Variants in NCK1 observed in about 807,000 individuals in gnomAD.
NCK1 encodes NCK adaptor protein 1.
Under a neutral mutation model 36.6 loss-of-function variants are expected in NCK1, and 19 were observed. That is an observed-to-expected ratio of 0.52 (90% CI 0.36 to 0.76). The LOEUF (loss-of-function observed/expected upper bound fraction) is 0.76, where lower values mean the gene tolerates loss of function less well. Ranked by LOEUF, NCK1 falls within the 30% of genes least tolerant of loss-of-function variation. NCK1 has a pLI of 0.00. For synonymous variants in NCK1, 165 were observed against 156.0 expected (o/e 1.06, Z -0.43); for missense variants, 358 against 445.6 (o/e 0.80, Z 1.77).
intron 1 of NCK1, among the ~76,000 whole-genome samples, chr3:136,921,031 G>A (rs905864388): frequency 6.6e-5 from 10 of 152,184 alleles, no homozygotes; most frequent in African/African-American, 2.4e-4. Context: ...TGTCTTTAAA[G>A]AGGTAACTGA....
Position 136,873,041 on chromosome 3 carries a change from G to A in NCK1, c.-19+10688G>A, listed in dbSNP as rs181271377. On this transcript the variant is annotated intron_variant, in intron 1 of 3. Transcript: ENST00000481752. ...GAGCCCCCACACAGAGTTCCTACTC[G>A]GGTACCGCCTAGTGGAGCTGTGAGA... Among the ~76,000 whole-genome samples, 26 of 152,288 alleles carry A rather than the reference G, an allele frequency of 1.7e-4. No homozygotes were observed. In the East Asian group the frequency reaches 4.8e-3, roughly 28 times the overall value.
intron 2 of NCK1, among the ~76,000 whole-genome samples, chr3:136,936,690 A>G (rs1376504306): frequency 6.6e-6 from 1 of 152,114 alleles, no homozygotes; most frequent in Non-Finnish European, 1.5e-5. Flanking sequence ...GGTGTGAGGT[A>G]GGGTCATTGT....
chr3:136,933,808 G>T (rs868233504), intron 2 of NCK1, among the ~76,000 whole-genome samples: 2 of 151,942 alleles, frequency 1.3e-5, no homozygotes, highest in African/African-American at 2.4e-5. Context: ...AAGTTCAAAC[G>T]ATTCTCGTCC....
At chr3:136,899,095 G>T in intron 1 of NCK1, 1 of 177,876 alleles carries the variant, frequency 5.6e-6, no homozygotes, top group South Asian at 1.3e-4. Context: ...TGGATGCAAA[G>T]GTTTAACTGG....
At chr3:136,932,011 T>G (rs1271982498) in intron 2 of NCK1, among the ~76,000 whole-genome samples, 1 of 151,814 alleles carries the variant, frequency 6.6e-6, no homozygotes, top group Non-Finnish European at 1.5e-5. Flanking sequence ...TCCCAGCTAC[T>G]TGGGAAGCTG....
rs189098914 is a variant in NCK1 at position 136,885,046 on chromosome 3, A to G, written c.-19+22693A>G. On this transcript the variant is annotated intron_variant, in intron 1 of 3. Transcript: ENST00000481752. ...AAGTTCTTATGTTTTAGAGATATTTACTTAAATATTTATGGATGAAAATAT... is the reference window on the plus strand; with the variant it reads ...AAGTTCTTATGTTTTAGAGATATTTGCTTAAATATTTATGGATGAAAATAT... Among the ~76,000 whole-genome samples the G allele has an allele frequency of 2.0e-3, 304 of 152,236 alleles. 4 individuals are homozygous for G. The highest frequency in any genetic ancestry group is 7.5e-3 in the Admixed American group (115 of 15,284).
At chr3:136,901,279 T>C (rs1262246023) in intron 1 of NCK1, among the ~76,000 whole-genome samples, 2 of 152,062 alleles carry the variant, frequency 1.3e-5, no homozygotes, top group African/African-American at 4.8e-5. Context: ...TTTTTTTTTT[T>C]TAATGTTGTT....
intron 1 of NCK1, among the ~76,000 whole-genome samples, chr3:136,880,548 C>T (rs1200695893): frequency 1.3e-5 from 2 of 152,054 alleles, no homozygotes; most frequent in Non-Finnish European, 1.5e-5. Flanking sequence ...GACTTCTGGC[C>T]TCCAGAACAG....
At chr3:136,873,568 A>G (rs1287556295) in intron 1 of NCK1, among the ~76,000 whole-genome samples, 2 of 152,094 alleles carry the variant, frequency 1.3e-5, no homozygotes, top group Non-Finnish European at 2.9e-5. Flanking sequence ...ATTGGTTTTG[A>G]AATGTGAAGA....
chr3:136,927,133 A>T lies in NCK1; in HGVS notation c.-18-851A>T, dbSNP rs184360420. Among the ~76,000 whole-genome samples, 148 of 152,040 alleles carry T rather than the reference A, an allele frequency of 9.7e-4. 1 individual carries two copies. The highest frequency in any genetic ancestry group is 3.5e-3 in the African/African-American group (145 of 41,490). On this transcript the variant is annotated intron_variant, in intron 1 of 3. Transcript: ENST00000481752. Reference sequence around the variant, plus strand: ...ATTCCAAGTGTGCGCCACCATACCTAGCTAATTTTTGTATTTTTAGTAGAG... The same window carrying T: ...ATTCCAAGTGTGCGCCACCATACCTTGCTAATTTTTGTATTTTTAGTAGAG...
Position 136,949,011 on chromosome 3 carries a change from A to G in NCK1, c.*558A>G, listed in dbSNP as rs1011524228. 1.8e-4 allele frequency: 28 copies of G among 152,478 alleles called. No individual in the cohort carries two copies. The highest frequency in any genetic ancestry group is 5.1e-4 in the African/African-American group (21 of 41,442). 9.4% of individuals were successfully genotyped at this position (152,478 alleles called of 1,614,324 possible). On this transcript the variant is annotated 3_prime_UTR_variant, in exon 4 of 4. Coordinates refer to ENST00000481752, the MANE Select transcript of NCK1 (RefSeq NM_001291999.2). ...ATATTGTGTCTGCCATAATTTTTAA[A>G]AATACATTCATTGTCTTCAGTCATA...
intron 2 of NCK1, among the ~76,000 whole-genome samples, chr3:136,941,919 A>G (rs1576991931): frequency 6.6e-6 from 1 of 151,846 alleles, no homozygotes; most frequent in Non-Finnish European, 1.5e-5. Context: ...GCTCACTACA[A>G]CCTCCACCTC....
chr3:136,927,642 C>T (rs1230069929), intron 1 of NCK1, among the ~76,000 whole-genome samples: 1 of 152,166 alleles, frequency 6.6e-6, no homozygotes, highest in Non-Finnish European at 1.5e-5. Flanking sequence ...ATGCCTCAGC[C>T]TCCTGAGTAG....
At chr3:136,909,703 C>T (rs968779326) in intron 1 of NCK1, among the ~76,000 whole-genome samples, 2 of 152,152 alleles carry the variant, frequency 1.3e-5, no homozygotes, top group Non-Finnish European at 2.9e-5. Flanking sequence ...TACTGTAGAA[C>T]TGTCTTGTTT....
chr3:136,884,124 A>G (rs753758214), intron 1 of NCK1, among the ~76,000 whole-genome samples: 1 of 152,190 alleles, frequency 6.6e-6, no homozygotes, highest in Non-Finnish European at 1.5e-5. Flanking sequence ...TGAACGAGCT[A>G]TCTAGAGAGA....
At chr3:136,942,446 G>C (rs1418021456) in intron 2 of NCK1, among the ~76,000 whole-genome samples, 1 of 152,034 alleles carries the variant, frequency 6.6e-6, no homozygotes, top group Non-Finnish European at 1.5e-5. Flanking sequence ...AATCAGCTAG[G>C]GTTTTAACAG....
intron 2 of NCK1, among the ~76,000 whole-genome samples, chr3:136,931,586 A>G (rs1320309153): frequency 6.6e-6 from 1 of 152,146 alleles, no homozygotes; most frequent in Non-Finnish European, 1.5e-5. Flanking sequence ...TTTTTTGGGT[A>G]AGTTTTACCT....
intron 2 of NCK1, among the ~76,000 whole-genome samples, chr3:136,942,518 A>G (rs1008387904): frequency 6.6e-6 from 1 of 152,210 alleles, no homozygotes; most frequent in Non-Finnish European, 1.5e-5. Context: ...ACCTCTCCCC[A>G]TCTTTACAGA....
chr3:136,867,171 TCCTTCC>T (rs879662553), intron 1 of NCK1, among the ~76,000 whole-genome samples: 8,189 of 55,850 alleles, frequency 0.15, 1,083 homozygotes, highest in East Asian at 0.33. Flanking sequence ...CTTCCTTCCT[TCCTTCC>T]TTCTTTCTTT....
Sources: allele counts gnomAD v4.1 joint callset (sites outside exome capture counted in the v4.1 genomes callset), GRCh38; gene constraint gnomAD v4.1.1; transcripts MANE v1.5; gene names NCBI Gene and HGNC (gene_info 2026-07-23, HGNC 2026-07-21).